The following SHH variants were observed in gnomAD, a reference collection of about 807,000 sequenced individuals.
SHH encodes the protein sonic hedgehog protein.
SHH carries 3 observed loss-of-function variants against 16.6 expected under a neutral mutation model. The observed-to-expected ratio is 0.18, with a 90% CI of 0.08 to 0.47. The LOEUF (loss-of-function observed/expected upper bound fraction) is 0.47, where lower values mean the gene tolerates loss of function less well. Ranked by LOEUF, SHH falls within the 20% of genes least tolerant of loss-of-function variation. SHH has a pLI of 0.98. For missense variants in SHH, 499 were observed against 665.0 expected (o/e 0.75, Z 2.75); for synonymous variants, 351 against 316.2 (o/e 1.11, Z -1.17).
At chr7:155,808,794 G>T (rs561753884) in intron 1 of SHH, among the ~76,000 whole-genome samples, 1 of 152,310 alleles carries the variant, frequency 6.6e-6, no homozygotes, top group Admixed American at 6.5e-5. Context: ...AGGCCAAGTT[G>T]TTCCCCACGC....
chr7:155,806,961 A>G (rs1312539757), intron 1 of SHH: 1 of 237,132 alleles, frequency 4.2e-6, no homozygotes, highest in East Asian at 9.7e-5. Context: ...CTCCACTTCT[A>G]GCCCCCCTTC....
chr7:155,803,090 TC>T lies in SHH; in HGVS notation c.1198del (p.Asp400ThrfsTer14). ...LAPARTDRGG[D>X]SGGGDRGGGG... ...GCCCCCGCGGTCCCCGCCGCCGCTG[TC>T]CCCGCCGCGGTCCGTGCGCGCGGGC... is the stretch of plus-strand genomic sequence containing the variant. On this transcript the variant is annotated frameshift_variant, in exon 3 of 3. Transcript: ENST00000297261. LOFTEE classifies it low-confidence loss of function (END_TRUNC). 7.4e-7 allele frequency: 1 copy of T among 1,350,560 alleles called. No homozygotes were observed. The allele number at this position is 1,350,560 out of a possible 1,614,324, so 83.7% of individuals were successfully genotyped here. A position where few individuals can be genotyped will look rare whatever the true frequency, so the allele number is the denominator to read the frequency against.
intron 1 of SHH, among the ~76,000 whole-genome samples, chr7:155,808,758 G>A (rs2117144838): frequency 6.6e-6 from 1 of 152,346 alleles, no homozygotes; most frequent in African/African-American, 2.4e-5. Flanking sequence ...CAGCAGGGCC[G>A]CCGGGGCCGG....
At position 155,802,891 on chromosome 7, in the gene SHH, C is replaced by CT; in HGVS notation, c.*8_*9insA. ...CCCCCTCCCGCGCCCCTCCCCCGGCCCCCCGGCTTCAGCTGGACTTGACCG... is the reference window on the plus strand; with the variant it reads ...CCCCCTCCCGCGCCCCTCCCCCGGCCTCCCCGGCTTCAGCTGGACTTGACCG... On this transcript the variant is annotated 3_prime_UTR_variant, in exon 3 of 3. Coordinates refer to ENST00000297261, the MANE Select transcript of SHH (RefSeq NM_000193.4). The CT allele has an allele frequency of 7.3e-7, 1 of 1,361,546 alleles. No homozygotes were observed. The highest frequency in any genetic ancestry group is 9.5e-7 in the Non-Finnish European group (1 of 1,047,814). 84.3% of individuals were successfully genotyped at this position (1,361,546 alleles called of 1,614,324 possible).
chr7:155,802,258 T>C lies in SHH; in HGVS notation c.*642A>G, dbSNP rs1481891964. ...TCGGAAACTAGTTAAATTAAAATAA[T>C]ATATTTTCATATTTTACACTATTTC... On this transcript the variant is annotated 3_prime_UTR_variant, in exon 3 of 3. Coordinates refer to ENST00000297261, the MANE Select transcript of SHH (RefSeq NM_000193.4). 1 of 152,210 alleles carries C rather than the reference T, an allele frequency of 6.6e-6. No homozygotes were observed. Among genetic ancestry groups the C allele is most frequent in the Non-Finnish European group, 1.5e-5 (1 of 68,044 alleles). 9.4% of individuals were successfully genotyped at this position (152,210 alleles called of 1,614,324 possible). A position where few individuals can be genotyped will look rare whatever the true frequency, so the allele number is the denominator to read the frequency against.
Position 155,800,280 on chromosome 7 carries a change from G to C in SHH, c.*2620C>G. On this transcript the variant is annotated 3_prime_UTR_variant, in exon 3 of 3. Transcript: ENST00000297261. The stretch of plus-strand genomic sequence containing the variant: ...AGAGAATTTTAAATATAAAGCAGTG[G>C]ACGCATCTTAAGAAGATGGACCAGG... The C allele has an allele frequency of 2.2e-6, 1 of 465,066 alleles. No homozygotes were observed. The highest frequency in any genetic ancestry group is 4.4e-6 in the Non-Finnish European group (1 of 225,284). The allele number at this position is 465,066 out of a possible 1,614,324, so 28.8% of individuals were successfully genotyped here. A position where few individuals can be genotyped will look rare whatever the true frequency, so the allele number is the denominator to read the frequency against.
Position 155,809,588 on chromosome 7 carries a change from G to A in SHH, c.300+2235C>T, listed in dbSNP as rs1249120529. 6.6e-6 allele frequency among the ~76,000 whole-genome samples: 1 copy of A among 152,138 alleles called. No individual in the cohort carries two copies. Among genetic ancestry groups the A allele is most frequent in the Non-Finnish European group, 1.5e-5 (1 of 68,028 alleles). On this transcript the variant is annotated intron_variant, in intron 1 of 2. Coordinates refer to ENST00000297261, the MANE Select transcript of SHH (RefSeq NM_000193.4). The surrounding 1 kb of genome is among the most constrained non-coding windows in gnomAD (Gnocchi z 6.1). The stretch of plus-strand genomic sequence containing the variant: ...CTCGGTTTTAGGGGACCTTTGTGGG[G>A]TCTGCCTGATAATCCCGGCCTGGCT...
chr7:155,811,339 A>G (rs774245912), intron 1 of SHH, among the ~76,000 whole-genome samples: 31 of 152,240 alleles, frequency 2.0e-4, no homozygotes, highest in Non-Finnish European at 4.1e-4. Context: ...AAAACCACAG[A>G]GGCAACGGGA....
In SHH at chr7:155,806,342, C is replaced by A; in HGVS notation, c.516G>T (p.Trp172Cys). Reference sequence around the variant, plus strand: ...TATGTGCCTTGGACTCGTAGTACACCCAGTCGAAGCCGGCCTCCACCGCCA... The same window carrying A: ...TATGTGCCTTGGACTCGTAGTACACACAGTCGAAGCCGGCCTCCACCGCCA... ...ARLAVEAGFD[W>C]VYYESKAHIH... is the part of the protein sequence containing the mutation. The change falls in exon 2 of 3, where the codon TGG (tryptophan) becomes TGT (cysteine). Residue 172 changes from tryptophan to cysteine, a missense_variant. Trp to Cys is a radical substitution (Grantham distance 215, BLOSUM62 -2). Coordinates refer to ENST00000297261, the MANE Select transcript of SHH (RefSeq NM_000193.4). 6.2e-7 allele frequency: 1 copy of A among 1,613,418 alleles called. No homozygotes were observed.
chr7:155,806,193 C>T, intron 2 of SHH, 103 bp downstream of exon 2: 2 of 1,457,462 alleles, frequency 1.4e-6, no homozygotes, highest in Non-Finnish European at 1.9e-6. Flanking sequence ...CGACCCTGCT[C>T]CTGGCCCTCA....
rs1171772297 is a variant in SHH at position 155,803,398 on chromosome 7, G to A, written c.891C>T (p.Gly297=). 13 of 1,506,812 alleles carry A rather than the reference G, an allele frequency of 8.6e-6. No individual in the cohort carries two copies. Among genetic ancestry groups the A allele is most frequent in the Non-Finnish European group, 1.1e-5 (13 of 1,136,370 alleles). 93.3% of individuals were successfully genotyped at this position (1,506,812 alleles called of 1,614,324 possible). ...CGAACAGCGCCCGAGGCCCCAGTGCGCCCCCGGAAGGCGGCCCCGAGCCCG... is the reference window on the plus strand; with the variant it reads ...CGAACAGCGCCCGAGGCCCCAGTGCACCCCCGGAAGGCGGCCCCGAGCCCG... The part of the protein sequence containing the change: ...ASSGSGPPSG[G]ALGPRALFAS... The change falls in exon 3 of 3, where the codon GGC becomes GGT. Residue 297 remains glycine (G), a synonymous_variant. Coordinates refer to ENST00000297261, the MANE Select transcript of SHH (RefSeq NM_000193.4).
At position 155,809,102 on chromosome 7, in the gene SHH, G is replaced by A. The variant is rs9333603; in HGVS notation, c.301-2545C>T. On this transcript the variant is annotated intron_variant, in intron 1 of 2. Transcript: ENST00000297261. The surrounding 1 kb of genome is among the most constrained non-coding windows in gnomAD (Gnocchi z 6.1). ...CGGCCCTCTGGCCTCCTGCCCCTTA[G>A]GAGCCCCCTGGCCGCCAGCACCCTC... 1.3e-5 allele frequency: 2 copies of A among 152,318 alleles called. No individual in the cohort carries two copies. Among genetic ancestry groups the A allele is most frequent in the Non-Finnish European group, 2.9e-5 (2 of 68,240 alleles). 9.4% of individuals were successfully genotyped at this position (152,318 alleles called of 1,614,324 possible).
chr7:155,803,519 G>A lies in SHH; in HGVS notation c.770C>T (p.Thr257Met). 6.3e-7 allele frequency: 1 copy of A among 1,585,858 alleles called. No individual in the cohort carries two copies. Among genetic ancestry groups the A allele is most frequent in the Non-Finnish European group, 8.5e-7 (1 of 1,171,622 alleles). Residue 257 changes from threonine to methionine, a missense_variant, in exon 3 of 3, where the codon ACG (threonine) becomes ATG (methionine). Transcript: ENST00000297261. ...GAKKVFYVIE[T>M]REPRERLLLT... The stretch of plus-strand genomic sequence containing the variant: ...CAGCAGGCGCTCGCGCGGCTCCCGC[G>A]TCTCGATCACGTAGAAGACCTTCTT...
At chr7:155,811,486 C>T (rs374072585) in intron 1 of SHH, among the ~76,000 whole-genome samples, 60 of 152,186 alleles carry the variant, frequency 3.9e-4, no homozygotes, top group African/African-American at 1.4e-3. Context: ...AAAGGGCCGA[C>T]GCCCCCAAAG....
chr7:155,809,235 A>C lies in SHH; in HGVS notation c.300+2588T>G, dbSNP rs1363104030. Among the ~76,000 whole-genome samples the C allele has an allele frequency of 6.6e-6, 1 of 152,182 alleles. No individual in the cohort carries two copies. Among genetic ancestry groups the C allele is most frequent in the African/African-American group, 2.4e-5 (1 of 41,440 alleles). On this transcript the variant is annotated intron_variant, in intron 1 of 2. Transcript: ENST00000297261. This position sits in a 1 kb window ranked among gnomAD's most constrained non-coding sequence, Gnocchi z 6.1. ...GTTCCGGAACTGCTCCGAAAGTTCC[A>C]CTGGGGACGATCTCGCCATGGTTGA...
intron 2 of SHH, 136 bp downstream of exon 2, chr7:155,806,160 G>T: frequency 1.8e-6 from 2 of 1,110,046 alleles, no homozygotes; most frequent in Non-Finnish European, 1.3e-6. Context: ...AGGTTCCACC[G>T]CGGAAACGCA....
In SHH at chr7:155,803,215, C is replaced by A. The variant is rs1388118954; in HGVS notation, c.1074G>T (p.Arg358=). The change falls in exon 3 of 3, where the codon CGG becomes CGT. Residue 358 remains arginine, a synonymous_variant. Transcript: ENST00000297261. The stretch of plus-strand genomic sequence containing the variant: ...TGACCGCGTAGCACGAGGCCAGCAC[C>A]CGGTTGATGAGAATGGTGCCCTGGG... ...LTAQGTILIN[R]VLASCYAVIE... 1.3e-6 allele frequency: 2 copies of A among 1,511,638 alleles called. No homozygotes were observed. Among genetic ancestry groups the A allele is most frequent in the East Asian group, 2.8e-5 (1 of 36,270 alleles). 93.6% of individuals were successfully genotyped at this position (1,511,638 alleles called of 1,614,324 possible). A position where few individuals can be genotyped will look rare whatever the true frequency, so the allele number is the denominator to read the frequency against.
rs750747067 is a variant in SHH, at chr7:155,803,012, G to A, written c.1277C>T (p.Ala426Val). 7.8e-6 allele frequency: 12 copies of A among 1,541,972 alleles called. No homozygotes were observed. The South Asian group carries it at 1.2e-4, about 16-fold the overall frequency. Residue 426 changes from alanine (A) to valine (V), a missense_variant, in exon 3 of 3, where the codon GCG becomes GTG. This residue lies in a region of SHH where 299 missense variants were observed against 301.1 expected (regional missense o/e 0.99). Coordinates refer to ENST00000297261, the MANE Select transcript of SHH (RefSeq NM_000193.4). Reference protein sequence around the residue: ...TAPGAADAPGAGATAGIHWYS... With the variant: ...TAPGAADAPGVGATAGIHWYS... Reference sequence around the variant, plus strand: ...CCAGTGGATGCCCGCGGTGGCCCCCGCACCCGGAGCGTCGGCAGCACCTGG... The same window carrying A: ...CCAGTGGATGCCCGCGGTGGCCCCCACACCCGGAGCGTCGGCAGCACCTGG...
In SHH at chr7:155,801,574, C is replaced by T. The variant is rs1447949196; in HGVS notation, c.*1326G>A. On this transcript the variant is annotated 3_prime_UTR_variant, in exon 3 of 3. Coordinates refer to ENST00000297261, the MANE Select transcript of SHH (RefSeq NM_000193.4). ...GGTGAGGGGGACAGCACAGTCCCCA[C>T]GAATGGCACTCCCAACCTTTGGGAG... 2 of 152,214 alleles carry T rather than the reference C, an allele frequency of 1.3e-5. No individual in the cohort carries two copies. The highest frequency in any genetic ancestry group is 2.4e-5 in the African/African-American group (1 of 41,450). The allele number at this position is 152,214 out of a possible 1,614,324, so 9.4% of individuals were successfully genotyped here. A position where few individuals can be genotyped will look rare whatever the true frequency, so the allele number is the denominator to read the frequency against.
Sources: allele counts gnomAD v4.1 joint callset (sites outside exome capture counted in the v4.1 genomes callset), GRCh38; gene constraint gnomAD v4.1.1; regional missense constraint gnomAD v4.1.1; non-coding constraint Gnocchi (gnomAD v3.1); transcripts MANE v1.5; gene names NCBI Gene and HGNC (gene_info 2026-07-23, HGNC 2026-07-21).